Variants in KAT14 observed in about 807,000 individuals in gnomAD.
The protein encoded by KAT14 is lysine acetyltransferase 14, also known as cysteine-rich protein 2-binding protein.
Under a neutral mutation model 78.4 loss-of-function variants are expected in KAT14, and 66 were observed. The observed-to-expected ratio is 0.84, with a 90% CI of 0.69 to 1.03. KAT14 has a LOEUF of 1.03. Ranked by LOEUF, KAT14 falls within the 50% of genes least tolerant of loss-of-function variation. KAT14 has a pLI of 0.00. For missense variants in KAT14, 870 were observed against 972.5 expected (o/e 0.89, Z 1.40); for synonymous variants, 344 against 359.4 (o/e 0.96, Z 0.48).
intron 7 of KAT14, among the ~76,000 whole-genome samples, chr20:18,174,623 T>G (rs1160360991): frequency 1.3e-5 from 2 of 152,116 alleles, no homozygotes; most frequent in African/African-American, 4.8e-5. Context: ...TTTCCTGTAA[T>G]AGCTTGTTTA....
chr20:18,162,543 G>C lies in KAT14; in HGVS notation c.1266G>C (p.Arg422Ser), dbSNP rs1425842981. Residue 422 changes from arginine (R) to serine (S), a missense_variant, in exon 7 of 11, where the codon AGG (arginine) becomes AGC (serine). Coordinates refer to ENST00000688188, the MANE Select transcript of KAT14 (RefSeq NM_001392073.1). ...EVESEEEKPD[R>S]MDIDSEDTDS... ...AGAGTGAGGAGGAAAAACCCGACAG[G>C]ATGGATATTGACAGTGAAGACACAG... The C allele has an allele frequency of 6.2e-7, 1 of 1,614,172 alleles. No homozygotes were observed. Among genetic ancestry groups the C allele is most frequent in the East Asian group, 2.2e-5 (1 of 44,880 alleles).
intron 3 of KAT14, among the ~76,000 whole-genome samples, chr20:18,147,866 G>A (rs1173802140): frequency 3.9e-5 from 6 of 152,180 alleles, no homozygotes; most frequent in African/African-American, 9.7e-5. Context: ...GATTACAGGC[G>A]TGAGCCACCG....
intron 7 of KAT14, among the ~76,000 whole-genome samples, chr20:18,168,792 T>G (rs2038749440): frequency 6.6e-6 from 1 of 152,176 alleles, no homozygotes; most frequent in Non-Finnish European, 1.5e-5. Context: ...TTTTATATGC[T>G]TCTTGGCATT....
chr20:18,157,940 G>T (rs2038280988), intron 4 of KAT14, among the ~76,000 whole-genome samples: 1 of 152,104 alleles, frequency 6.6e-6, no homozygotes, highest in Non-Finnish European at 1.5e-5. Flanking sequence ...CTCCATCTCA[G>T]ATAGTGCTTT....
intron 3 of KAT14, among the ~76,000 whole-genome samples, chr20:18,149,226 C>G (rs571358470): frequency 1.3e-5 from 2 of 152,086 alleles, no homozygotes; most frequent in Non-Finnish European, 2.9e-5. Flanking sequence ...ATATGCATAA[C>G]ATATAGTTTA....
chr20:18,137,734 G>A (rs963258061), upstream of KAT14: 4 of 451,010 alleles, frequency 8.9e-6, no homozygotes, highest in Admixed American at 9.0e-5. Context: ...TGCGGGGTGT[G>A]CAGGAGGCCC....
chr20:18,143,615 A>ATTTTTTTTTTT lies in KAT14; in HGVS notation c.259+697_259+707dup, dbSNP rs201858697. ...TAGTGTTTGCCAGCACACCTGGCTA[A>ATTTTTTTTTTT]TTTTTTTTTTTATTTTATTTTTTTT... On this transcript the variant is annotated intron_variant, in intron 2 of 10. Coordinates refer to ENST00000688188, the MANE Select transcript of KAT14 (RefSeq NM_001392073.1). 6.7e-5 allele frequency among the ~76,000 whole-genome samples: 7 copies of ATTTTTTTTTTT among 104,090 alleles called. 2 individuals carry two copies. The highest frequency in any genetic ancestry group is 8.0e-5 in the Non-Finnish European group (4 of 50,112). 68.3% of individuals were successfully genotyped at this position (104,090 alleles called of 152,430 possible).
intron 2 of KAT14, among the ~76,000 whole-genome samples, chr20:18,144,168 A>C (rs2037727540): frequency 1.3e-5 from 2 of 152,230 alleles, no homozygotes; most frequent in South Asian, 4.1e-4. Flanking sequence ...AATGGGTTCA[A>C]CTTCAAATTT....
chr20:18,153,368 T>A (rs1025355361), intron 4 of KAT14, among the ~76,000 whole-genome samples: 2 of 152,180 alleles, frequency 1.3e-5, no homozygotes, highest in Admixed American at 6.6e-5. Context: ...TTCTTTCTCA[T>A]AAGGAAAAGA....
chr20:18,150,755 TC>T (rs1568664746), intron 3 of KAT14, 65 bp from the exon 4 acceptor site: 3 of 1,601,892 alleles, frequency 1.9e-6, no homozygotes, highest in Non-Finnish European at 2.6e-6. Context: ...AAGAAGCTTT[TC>T]CCCCCTCAAG....
At chr20:18,138,332 A>C (rs974035893) in intron 1 of KAT14, 5 of 1,128,070 alleles carry the variant, frequency 4.4e-6, no homozygotes, top group Non-Finnish European at 5.4e-6. Context: ...CTTGCTCCGC[A>C]CAGGCACGGC....
In KAT14 at chr20:18,162,362, T is replaced by A; in HGVS notation, c.1100-15T>A. The A allele has an allele frequency of 1.9e-6, 3 of 1,607,936 alleles. No homozygotes were observed. The highest frequency in any genetic ancestry group is 2.5e-6 in the Non-Finnish European group (3 of 1,177,280). ...CTTCCTATGTCTTGATGACACTGTT[T>A]TGTACTCTGCACAGATGACGATGAG... On this transcript the variant is annotated splice_polypyrimidine_tract_variant and intron_variant, in intron 6 of 10. Coordinates refer to ENST00000688188, the MANE Select transcript of KAT14 (RefSeq NM_001392073.1).
chr20:18,155,549 G>A (rs1318442527), intron 4 of KAT14, among the ~76,000 whole-genome samples: 12 of 152,146 alleles, frequency 7.9e-5, no homozygotes. Context: ...AGCCATTGTT[G>A]TTATAGCTCC....
chr20:18,180,787 T>G (rs1402712487), intron 7 of KAT14, among the ~76,000 whole-genome samples: 1 of 103,856 alleles, frequency 9.6e-6, no homozygotes, highest in African/African-American at 3.4e-5. Flanking sequence ...CTTGTGAGAC[T>G]TATTCACTAC....
intron 2 of KAT14, 161 bp downstream of exon 2, chr20:18,143,080 T>C: frequency 7.1e-7 from 1 of 1,411,874 alleles, no homozygotes; most frequent in Non-Finnish European, 9.2e-7. Flanking sequence ...CATAGGCATG[T>C]TTGTACTAAT....
chr20:18,171,240 G>A (rs1187357762), intron 7 of KAT14, among the ~76,000 whole-genome samples: 1 of 152,184 alleles, frequency 6.6e-6, no homozygotes. Context: ...AGTCACTGTG[G>A]ATGTGGAAAG....
At chr20:18,184,534 G>A in intron 9 of KAT14, 68 bp from the exon 10 acceptor site, 2 of 1,111,642 alleles carry the variant, frequency 1.8e-6, no homozygotes, top group Admixed American at 2.8e-5. Context: ...TGTACATGCT[G>A]AACAGCTTGG....
chr20:18,159,354 A>G, intron 5 of KAT14, 89 bp downstream of exon 5: 1 of 1,473,280 alleles, frequency 6.8e-7, no homozygotes, highest in Non-Finnish European at 9.1e-7. Context: ...TCCACTGGGC[A>G]TGGCTCGCAG....
upstream of KAT14, chr20:18,137,781 C>G: frequency 1.7e-6 from 1 of 600,924 alleles, no homozygotes; most frequent in Non-Finnish European, 2.6e-6. Context: ...CTGGGCGCCG[C>G]TCTATGCTCG....
Sources: gnomAD v4.1 joint callset for allele counts (sites outside exome capture counted in the v4.1 genomes callset) on GRCh38, gnomAD v4.1.1 for gene constraint, MANE v1.5 for transcripts, NCBI Gene and HGNC (gene_info 2026-07-23, HGNC 2026-07-21) for gene names.